The following FAM120A variants were observed in gnomAD, a reference collection of about 807,000 sequenced individuals.
FAM120A encodes the protein constitutive coactivator of PPAR-gamma-like protein 1.
A neutral mutation model predicts 109.7 loss-of-function variants in FAM120A; 15 were observed. The observed-to-expected ratio is 0.14, with a 90% CI of 0.09 to 0.21. The LOEUF (loss-of-function observed/expected upper bound fraction) is 0.21, where lower values mean the gene tolerates loss of function less well. Among genes scored for constraint, FAM120A ranks in the 10% least tolerant of loss-of-function variants. The pLI is 1.00. For missense variants in FAM120A, 899 were observed against 1,439.3 expected, an observed-to-expected ratio of 0.62 and a Z score of 6.07; for synonymous variants, 493 against 572.8, an observed-to-expected ratio of 0.86 and a Z score of 1.99.
intron 12 of FAM120A, among the ~76,000 whole-genome samples, chr9:93,551,575 C>T (rs1379095742): frequency 9.2e-5 from 14 of 151,940 alleles, no homozygotes; most frequent in Admixed American, 9.2e-4. Context: ...CACAAAATTG[C>T]CTTCACCTTT....
Position 93,532,049 on chromosome 9 carries a change from G to A in FAM120A, c.1735-106G>A. 1 of 1,067,856 alleles carries A rather than the reference G, an allele frequency of 9.4e-7. No homozygotes were observed. The highest frequency in any genetic ancestry group is 1.4e-6 in the Non-Finnish European group (1 of 726,396). The allele number at this position is 1,067,856 out of a possible 1,614,324, so 66.1% of individuals were successfully genotyped here. A position where few individuals can be genotyped will look rare whatever the true frequency, so the allele number is the denominator to read the frequency against. ...GTTGTTAAGCAGTTGATTTGGAATG[G>A]AATTGCAATGTCATTAACTGGAGAT... is the stretch of plus-strand genomic sequence containing the variant. On this transcript the variant is annotated intron_variant, in intron 9 of 17. Coordinates refer to ENST00000277165, the MANE Select transcript of FAM120A (RefSeq NM_014612.5). This position sits in a 1 kb window ranked among gnomAD's most constrained non-coding sequence, Gnocchi z 4.3.
chr9:93,541,438 C>T (rs1861696818), intron 10 of FAM120A, among the ~76,000 whole-genome samples: 1 of 152,088 alleles, frequency 6.6e-6, no homozygotes, highest in African/African-American at 2.4e-5. Flanking sequence ...GGGGTGGGGG[C>T]AGTGCCTTAG....
chr9:93,538,990 A>T (rs10115234), intron 10 of FAM120A, among the ~76,000 whole-genome samples: 83,788 of 148,822 alleles, frequency 0.56, 23,928 homozygotes, highest in African/African-American at 0.68. Flanking sequence ...GTAACATGTC[A>T]GCCCTAGAGT....
chr9:93,516,677 C>T (rs934708242), intron 7 of FAM120A, among the ~76,000 whole-genome samples: 2 of 152,120 alleles, frequency 1.3e-5, no homozygotes, highest in African/African-American at 4.8e-5. Context: ...TGAATTTCCT[C>T]TCCTTCTCCT....
chr9:93,472,683 A>C (rs1479184682), intron 2 of FAM120A, among the ~76,000 whole-genome samples: 2 of 152,218 alleles, frequency 1.3e-5, no homozygotes, highest in Admixed American at 6.5e-5. Context: ...ATTTTTATAA[A>C]CATTCCAAAA....
intron 7 of FAM120A, among the ~76,000 whole-genome samples, chr9:93,521,401 G>A (rs963933985): frequency 1.3e-5 from 2 of 152,146 alleles, no homozygotes; most frequent in African/African-American, 4.8e-5. Context: ...GGGATTGCGT[G>A]AAGCCAGCCT....
Position 93,532,433 on chromosome 9 carries a change from C to T in FAM120A, c.1909+104C>T, listed in dbSNP as rs1588889187. The T allele has an allele frequency of 1.5e-6, 2 of 1,352,778 alleles. No individual in the cohort carries two copies. Among genetic ancestry groups the T allele is most frequent in the East Asian group, 2.3e-5 (1 of 43,020 alleles). The allele number at this position is 1,352,778 out of a possible 1,614,324, so 83.8% of individuals were successfully genotyped here. On this transcript the variant is annotated intron_variant, in intron 10 of 17. Coordinates refer to ENST00000277165, the MANE Select transcript of FAM120A (RefSeq NM_014612.5). The surrounding 1 kb of genome is among the most constrained non-coding windows in gnomAD (Gnocchi z 4.3). ...ATCATGACTGAGTTGACCCCGAGTG[C>T]CTCTGTGTAAAGGAGGTGGGCCCAT...
rs568218481 is a variant in FAM120A, at chr9:93,479,340, C to T, written c.804+3002C>T. Reference sequence around the variant, plus strand: ...GTCTCGATCTCCTGACCTCGTGATCCGCCCGCCTCGGCCTCCCAAAGTAGG... The same window carrying T: ...GTCTCGATCTCCTGACCTCGTGATCTGCCCGCCTCGGCCTCCCAAAGTAGG... On this transcript the variant is annotated intron_variant, in intron 3 of 17. Coordinates refer to ENST00000277165, the MANE Select transcript of FAM120A (RefSeq NM_014612.5). Among the ~76,000 whole-genome samples the T allele has an allele frequency of 7.9e-5, 12 of 152,080 alleles. No individual in the cohort carries two copies. The South Asian group carries it at 8.3e-4, about 11-fold the overall frequency.
intron 5 of FAM120A, among the ~76,000 whole-genome samples, chr9:93,508,938 A>G (rs745619454): frequency 1.3e-5 from 2 of 152,202 alleles, no homozygotes; most frequent in African/African-American, 2.4e-5. Flanking sequence ...TGGAAAGACA[A>G]TATGTAAAGA....
chr9:93,495,318 C>T (rs1859527192), intron 3 of FAM120A, among the ~76,000 whole-genome samples: 1 of 152,212 alleles, frequency 6.6e-6, no homozygotes, highest in Admixed American at 6.5e-5. Flanking sequence ...TAATATACCA[C>T]CATGATCCTC....
At chr9:93,558,889 CTCTCAGG>C (rs1304793985) in intron 15 of FAM120A, among the ~76,000 whole-genome samples, 171 bp downstream of exon 15, 2 of 152,212 alleles carry the variant, frequency 1.3e-5, no homozygotes, top group African/African-American at 4.8e-5. Flanking sequence ...AGACTCTCTG[CTCTCAGG>C]TCTCAGCAGC....
At chr9:93,502,942 G>A (rs1327021468) in intron 5 of FAM120A, among the ~76,000 whole-genome samples, 1 of 152,230 alleles carries the variant, frequency 6.6e-6, no homozygotes, top group Non-Finnish European at 1.5e-5. Flanking sequence ...TCTCACCTCA[G>A]ATCTGTGGAT....
chr9:93,501,560 T>C (rs1372158848), intron 5 of FAM120A, among the ~76,000 whole-genome samples: 1 of 152,218 alleles, frequency 6.6e-6, no homozygotes, highest in African/African-American at 2.4e-5. Flanking sequence ...ATGAACTGCC[T>C]GTAAATCCTC....
intron 1 of FAM120A, among the ~76,000 whole-genome samples, chr9:93,454,705 A>G (rs964865327): frequency 6.6e-6 from 1 of 152,234 alleles, no homozygotes; most frequent in Non-Finnish European, 1.5e-5. Context: ...CCCTGAGGGT[A>G]GTACAATGTT....
intron 2 of FAM120A, among the ~76,000 whole-genome samples, chr9:93,472,894 C>G (rs1858371626): frequency 6.6e-6 from 1 of 152,102 alleles, no homozygotes; most frequent in African/African-American, 2.4e-5. Context: ...AACAGACCTC[C>G]TAGAAACCTT....
intron 1 of FAM120A, among the ~76,000 whole-genome samples, chr9:93,467,779 T>G (rs1858114462): frequency 6.6e-6 from 1 of 152,236 alleles, no homozygotes; most frequent in African/African-American, 2.4e-5. Flanking sequence ...AATGCCAATC[T>G]AAAGTCAAGT....
rs912300824 is a variant in FAM120A at position 93,498,427 on chromosome 9, A to G, written c.934-363A>G. 1.3e-5 allele frequency among the ~76,000 whole-genome samples: 2 copies of G among 152,122 alleles called. No individual in the cohort carries two copies. Among genetic ancestry groups the G allele is most frequent in the Non-Finnish European group, 2.9e-5 (2 of 68,016 alleles). On this transcript the variant is annotated intron_variant, in intron 4 of 17. Coordinates refer to ENST00000277165, the MANE Select transcript of FAM120A (RefSeq NM_014612.5). The surrounding 1 kb of genome is among the most constrained non-coding windows in gnomAD (Gnocchi z 4.4). Reference sequence around the variant, plus strand: ...AGAGAGAGCTGAAACCCTGGGCAGGAACATCCCCAGTCTGTCACTGCCATC... The same window carrying G: ...AGAGAGAGCTGAAACCCTGGGCAGGGACATCCCCAGTCTGTCACTGCCATC...
chr9:93,487,880 A>T (rs1464082096), intron 3 of FAM120A, among the ~76,000 whole-genome samples: 7 of 152,176 alleles, frequency 4.6e-5, no homozygotes. Context: ...CAGCCCCTCC[A>T]TGTGGGCAGT....
intron 5 of FAM120A, among the ~76,000 whole-genome samples, chr9:93,502,600 G>A (rs111781775): frequency 3.8e-4 from 36 of 94,846 alleles, no homozygotes; most frequent in Non-Finnish European, 5.6e-4. Flanking sequence ...ACACACACAC[G>A]CACACTTGCA....
Sources: allele counts gnomAD v4.1 joint callset (sites outside exome capture counted in the v4.1 genomes callset), GRCh38; gene constraint gnomAD v4.1.1; non-coding constraint Gnocchi (gnomAD v3.1); transcripts MANE v1.5; gene names NCBI Gene and HGNC (gene_info 2026-07-23, HGNC 2026-07-21).